Variants in KAZN observed in about 807,000 individuals in gnomAD.
KAZN encodes the protein kazrin, periplakin interacting protein.
Under a neutral mutation model 87.4 loss-of-function variants are expected in KAZN, and 40 were observed. The observed-to-expected ratio is 0.46, with a 90% CI of 0.36 to 0.60. The LOEUF is 0.60. KAZN is among the 20% of genes least tolerant of loss of function. The pLI is 0.00. For missense variants in KAZN, 898 were observed against 1,073.9 expected (o/e 0.84, Z 2.29); for synonymous variants, 466 against 458.3 (o/e 1.02, Z -0.22).
At chr1:13,927,353 A>C (rs1640320547) in intron 1 of KAZN, among the ~76,000 whole-genome samples, 1 of 152,220 alleles carries the variant, frequency 6.6e-6, no homozygotes. Context: ...ACAGTGGGGC[A>C]TTACAGAGAG....
At chr1:14,362,094 C>T (rs984582326) in intron 2 of KAZN, among the ~76,000 whole-genome samples, 1 of 152,208 alleles carries the variant, frequency 6.6e-6, no homozygotes, top group African/African-American at 2.4e-5. Context: ...CATAAACTTA[C>T]TGACTTATAA....
chr1:14,363,397 G>A (rs139404740), intron 2 of KAZN, among the ~76,000 whole-genome samples: 81 of 152,202 alleles, frequency 5.3e-4, no homozygotes, highest in African/African-American at 1.7e-3. Flanking sequence ...CCCTCTGGCC[G>A]TGACTCATTT....
intron 2 of KAZN, among the ~76,000 whole-genome samples, chr1:14,432,648 C>T (rs1666139884): frequency 1.3e-5 from 2 of 152,152 alleles, no homozygotes; most frequent in African/African-American, 2.4e-5. Flanking sequence ...TGGTTTGCTG[C>T]ACCTATCAGC....
chr1:15,069,074 G>A (rs944007849), intron 8 of KAZN, among the ~76,000 whole-genome samples: 2 of 151,898 alleles, frequency 1.3e-5, no homozygotes, highest in Non-Finnish European at 2.9e-5. Flanking sequence ...GAATTGAAGT[G>A]TATTTAAATC....
intron 4 of KAZN, among the ~76,000 whole-genome samples, chr1:15,055,580 A>T (rs1674862573): frequency 6.6e-6 from 1 of 152,126 alleles, no homozygotes; most frequent in Non-Finnish European, 1.5e-5. Flanking sequence ...ACTTGACACA[A>T]ATGCATCCAT....
At chr1:13,917,691 G>C (rs116427782) in intron 1 of KAZN, among the ~76,000 whole-genome samples, 5,371 of 151,522 alleles carry the variant, frequency 0.035, 123 homozygotes, top group Non-Finnish European at 0.053. Flanking sequence ...CAGCTACGTG[G>C]GAGGCTGAGG....
chr1:14,867,104 A>G (rs974832694), intron 1 of KAZN, among the ~76,000 whole-genome samples: 1 of 151,016 alleles, frequency 6.6e-6, no homozygotes, highest in Non-Finnish European at 1.5e-5. Context: ...CGTTTTTTCC[A>G]GGCCTCCTCT....
At chr1:14,016,828 G>A (rs1640594322) in intron 1 of KAZN, among the ~76,000 whole-genome samples, 1 of 152,094 alleles carries the variant, frequency 6.6e-6, no homozygotes, top group African/African-American at 2.4e-5. Flanking sequence ...AGAGAAGCGG[G>A]GATTTGCCTT....
chr1:14,580,888 C>T (rs1675504977), intron 2 of KAZN, among the ~76,000 whole-genome samples: 1 of 152,158 alleles, frequency 6.6e-6, no homozygotes, highest in South Asian at 2.1e-4. Flanking sequence ...AAAGTTTTAA[C>T]AGGGCCTCCT....
At chr1:14,883,538 G>T (rs1424885714) in intron 1 of KAZN, among the ~76,000 whole-genome samples, 1 of 147,094 alleles carries the variant, frequency 6.8e-6, no homozygotes, top group African/African-American at 2.7e-5. Context: ...ACAGCCAAAG[G>T]GAGCATTATC....
At chr1:14,523,706 G>A (rs1414476890) in intron 2 of KAZN, among the ~76,000 whole-genome samples, 6 of 152,106 alleles carry the variant, frequency 3.9e-5, no homozygotes, top group East Asian at 1.9e-4. Flanking sequence ...GTGTTCCCAC[G>A]CAGGTGACAG....
chr1:14,748,134 T>A (rs909475988), intron 1 of KAZN, among the ~76,000 whole-genome samples: 1 of 152,214 alleles, frequency 6.6e-6, no homozygotes, highest in Non-Finnish European at 1.5e-5. Context: ...GTGAGTTGGA[T>A]GGCAGCTTAT....
chr1:14,680,346 C>G (rs983828323), intron 1 of KAZN, among the ~76,000 whole-genome samples: 3 of 152,150 alleles, frequency 2.0e-5, no homozygotes, highest in Admixed American at 2.0e-4. Flanking sequence ...GCAGCTATGG[C>G]TCTGAGTTCT....
At chr1:14,479,097 T>C (rs918367951) in intron 2 of KAZN, among the ~76,000 whole-genome samples, 10 of 152,160 alleles carry the variant, frequency 6.6e-5, no homozygotes, top group African/African-American at 2.4e-4. Context: ...CTATCCTCAT[T>C]AGTTCAGAGT....
intron 2 of KAZN, among the ~76,000 whole-genome samples, chr1:14,446,108 A>T (rs187178595): frequency 6.6e-5 from 10 of 152,136 alleles, no homozygotes; most frequent in African/African-American, 2.4e-4. Flanking sequence ...AGGCTGGAGG[A>T]TTACTTCAGC....
intron 1 of KAZN, among the ~76,000 whole-genome samples, chr1:14,873,130 G>A (rs1184741868): frequency 1.3e-5 from 2 of 148,336 alleles, no homozygotes; most frequent in Non-Finnish European, 3.0e-5. Flanking sequence ...ATGGGTGGAT[G>A]GATGGATGGA....
At chr1:14,248,482 C>G (rs1044198055) in intron 2 of KAZN, among the ~76,000 whole-genome samples, 1 of 152,178 alleles carries the variant, frequency 6.6e-6, no homozygotes, top group Non-Finnish European at 1.5e-5. Flanking sequence ...GTGAGACTAG[C>G]AGAGGGTGTG....
In KAZN at chr1:15,095,002, T is replaced by G. The variant is rs112583210; in HGVS notation, c.1547+69T>G. The G allele has an allele frequency of 3.6e-3, 4,075 of 1,126,054 alleles. 88 individuals are homozygous for G. The African/African-American group carries it at 0.053, about 15-fold the overall frequency. 69.8% of individuals were successfully genotyped at this position (1,126,054 alleles called of 1,614,324 possible). A position where few individuals can be genotyped will look rare whatever the true frequency, so the allele number is the denominator to read the frequency against. ...ATCCTGAGGCCTTTGGTCACACAGG[T>G]GGGGTGAGCGGGGCACTGTGGGCTG... On this transcript the variant is annotated intron_variant, in intron 10 of 14. Transcript: ENST00000376030.
chr1:14,395,246 C>A (rs1275636962), intron 2 of KAZN, among the ~76,000 whole-genome samples: 3 of 152,152 alleles, frequency 2.0e-5, no homozygotes, highest in African/African-American at 7.2e-5. Flanking sequence ...CTACATATCA[C>A]CTCGAATGAA....
Sources: gnomAD v4.1 joint callset for allele counts (sites outside exome capture counted in the v4.1 genomes callset) on GRCh38, gnomAD v4.1.1 for gene constraint, MANE v1.5 for transcripts, NCBI Gene and HGNC (gene_info 2026-07-23, HGNC 2026-07-21) for gene names.